Variants in ATP2B4 observed in about 807,000 individuals in gnomAD.
ATP2B4 encodes the protein ATPase plasma membrane Ca2+ transporting 4, also known as plasma membrane calcium-transporting ATPase 4.
Under a neutral mutation model 110.3 loss-of-function variants are expected in ATP2B4, and 39 were observed. The ratio of observed to expected loss-of-function variants is 0.35; its 90% CI spans 0.27 to 0.46. The LOEUF is 0.46. ATP2B4 is among the 20% of genes least tolerant of loss of function. The pLI is 1.00. For synonymous variants in ATP2B4, 538 were observed against 571.7 expected (o/e 0.94, Z 0.84); for missense variants, 1,135 against 1,530.9 (o/e 0.74, Z 4.32).
chr1:203,649,619 C>CAAACA (rs888624086), intron 1 of ATP2B4, among the ~76,000 whole-genome samples: 15 of 151,832 alleles, frequency 9.9e-5, no homozygotes, highest in African/African-American at 2.4e-4. Context: ...AAAACCAAAA[C>CAAACA]AAACAAAACA....
rs775983281 is a variant in ATP2B4, at chr1:203,707,840, T to C, written c.1315-22T>C. ...GAGTCCAGTTAGTCCCCCTCTCAAG[T>C]CTTTTCTCTTCTCCTTTGTAGAAAA... On this transcript the variant is annotated intron_variant, in intron 9 of 20. Coordinates refer to ENST00000357681, the MANE Select transcript of ATP2B4 (RefSeq NM_001684.5). 3 of 1,611,190 alleles carry C rather than the reference T, an allele frequency of 1.9e-6. No individual in the cohort carries two copies. In the South Asian group the frequency reaches 3.3e-5, roughly 18 times the overall value.
intron 1 of ATP2B4, among the ~76,000 whole-genome samples, chr1:203,674,144 C>T (rs1337093810): frequency 1.3e-5 from 2 of 152,154 alleles, no homozygotes; most frequent in East Asian, 1.9e-4. Context: ...GAGTGAGTAG[C>T]AGTTATCGTT....
intron 1 of ATP2B4, among the ~76,000 whole-genome samples, chr1:203,672,356 T>A (rs1664696939): frequency 3.4e-5 from 2 of 59,654 alleles, no homozygotes; most frequent in African/African-American, 6.0e-5. Context: ...TTTTTTTTTT[T>A]AAAGCTGATT....
intron 1 of ATP2B4, among the ~76,000 whole-genome samples, chr1:203,675,811 G>A (rs1022509931): frequency 6.6e-6 from 1 of 152,066 alleles, no homozygotes. Flanking sequence ...TCTCAAGTCT[G>A]TTTTCTCAAA....
intron 1 of ATP2B4, among the ~76,000 whole-genome samples, chr1:203,627,430 A>T (rs1410745893): frequency 6.6e-6 from 1 of 152,158 alleles, no homozygotes; most frequent in Admixed American, 6.5e-5. Flanking sequence ...ATAGTCGAAC[A>T]AGTGATTTAT....
intron 13 of ATP2B4, among the ~76,000 whole-genome samples, chr1:203,712,585 C>T (rs1353987705): frequency 2.0e-5 from 3 of 150,480 alleles, no homozygotes; most frequent in South Asian, 2.1e-4. Context: ...AGCAAGACTC[C>T]GTCTCAAAAA....
chr1:203,740,161 C>T lies in ATP2B4; in HGVS notation c.*307C>T, dbSNP rs1206978395. 1 of 311,644 alleles carries T rather than the reference C, an allele frequency of 3.2e-6. No individual in the cohort carries two copies. Among genetic ancestry groups the T allele is most frequent in the Non-Finnish European group, 5.9e-6 (1 of 168,290 alleles). The allele number at this position is 311,644 out of a possible 1,614,324, so 19.3% of individuals were successfully genotyped here. ...TGACAATCCTCTTGGCATCACCCCA[C>T]CCCACATTCTCCCCGATGTTCCTCT... is the stretch of plus-strand genomic sequence containing the variant. On this transcript the variant is annotated 3_prime_UTR_variant, in exon 21 of 21. Transcript: ENST00000357681.
chr1:203,667,516 AG>A (rs1664542857), intron 1 of ATP2B4, among the ~76,000 whole-genome samples: 1 of 152,280 alleles, frequency 6.6e-6, no homozygotes, highest in South Asian at 2.1e-4. Flanking sequence ...CTAGTGTTGG[AG>A]GTAGCTATCT....
chr1:203,701,836 G>A (rs189856040), intron 6 of ATP2B4, among the ~76,000 whole-genome samples: 102 of 152,284 alleles, frequency 6.7e-4, no homozygotes, highest in Non-Finnish European at 2.1e-4. Context: ...CTACATGAGC[G>A]TTTTGGTGGA....
Position 203,698,294 on chromosome 1 carries a change from A to T in ATP2B4, c.331A>T (p.Ile111Phe), listed in dbSNP as rs1193780118. 1.2e-6 allele frequency: 2 copies of T among 1,613,962 alleles called. No homozygotes were observed. The highest frequency in any genetic ancestry group is 2.7e-5 in the African/African-American group (2 of 74,886). The change falls in exon 3 of 21, where the codon ATT becomes TTT. Residue 111 changes from isoleucine (I) to phenylalanine (F), a missense_variant. Transcript: ENST00000357681. Reference sequence around the variant, plus strand: ...AGATGTCACGCTTATCATCCTGGAGATTGCAGCCATCATCTCCCTGGTCCT... The same window carrying T: ...AGATGTCACGCTTATCATCCTGGAGTTTGCAGCCATCATCTCCCTGGTCCT... ...LQDVTLIILE[I>F]AAIISLVLSF... is the part of the protein sequence containing the mutation.
At position 203,629,559 on chromosome 1, in the gene ATP2B4, C is replaced by G. The variant is rs1470277010; in HGVS notation, c.-465+2340C>G. ...GTAATCGGCTCCCGCAGTCTCAGCCCTTCCCCCGGGGCTCGGGGCAGGATT... is the reference window on the plus strand; with the variant it reads ...GTAATCGGCTCCCGCAGTCTCAGCCGTTCCCCCGGGGCTCGGGGCAGGATT... On this transcript the variant is annotated intron_variant, in intron 1 of 20. Coordinates refer to ENST00000357681, the MANE Select transcript of ATP2B4 (RefSeq NM_001684.5). This position sits in a 1 kb window ranked among gnomAD's most constrained non-coding sequence, Gnocchi z 4.6. Among the ~76,000 whole-genome samples, 1 of 152,130 alleles carries G rather than the reference C, an allele frequency of 6.6e-6. No homozygotes were observed.
At chr1:203,639,552 C>T (rs1663563885) in intron 1 of ATP2B4, among the ~76,000 whole-genome samples, 2 of 152,178 alleles carry the variant, frequency 1.3e-5, no homozygotes, top group South Asian at 4.1e-4. Flanking sequence ...AGACCCGACG[C>T]ACAACTGAGC....
chr1:203,722,121 G>C (rs1666355756), intron 17 of ATP2B4, among the ~76,000 whole-genome samples: 1 of 152,134 alleles, frequency 6.6e-6, no homozygotes, highest in African/African-American at 2.4e-5. Flanking sequence ...AACTGAGAGA[G>C]AAGGTAAAAT....
At chr1:203,728,818 T>C (rs974304562) in intron 20 of ATP2B4, among the ~76,000 whole-genome samples, 2 of 149,602 alleles carry the variant, frequency 1.3e-5, no homozygotes, top group Non-Finnish European at 3.0e-5. Context: ...GATTGCGCCA[T>C]TGCACTCCAG....
At chr1:203,674,118 C>T (rs1664756806) in intron 1 of ATP2B4, among the ~76,000 whole-genome samples, 1 of 152,220 alleles carries the variant, frequency 6.6e-6, no homozygotes, top group East Asian at 1.9e-4. Flanking sequence ...TAGAAGCTTC[C>T]TGCCGCAGCT....
chr1:203,718,182 C>T (rs7555287), intron 15 of ATP2B4, among the ~76,000 whole-genome samples: 2,424 of 152,124 alleles, frequency 0.016, 72 homozygotes, highest in African/African-American at 0.056. Flanking sequence ...TTTAGAATTA[C>T]ATATTTTTTA....
chr1:203,672,007 G>A (rs561708422), intron 1 of ATP2B4, among the ~76,000 whole-genome samples: 1 of 152,296 alleles, frequency 6.6e-6, no homozygotes, highest in Non-Finnish European at 1.5e-5. Flanking sequence ...CTTGATAGTG[G>A]CAGCTGGTGG....
chr1:203,637,992 T>G (rs932828251), intron 1 of ATP2B4, among the ~76,000 whole-genome samples: 1 of 152,144 alleles, frequency 6.6e-6, no homozygotes, highest in Non-Finnish European at 1.5e-5. Flanking sequence ...GCTAATAGGA[T>G]GGCTGGGGGC....
intron 2 of ATP2B4, among the ~76,000 whole-genome samples, chr1:203,686,248 T>C (rs958947242): frequency 6.6e-6 from 1 of 152,182 alleles, no homozygotes; most frequent in Non-Finnish European, 1.5e-5. Context: ...AACAGGATCT[T>C]TCTTTTTCCC....
Sources: gnomAD v4.1 joint callset for allele counts (sites outside exome capture counted in the v4.1 genomes callset) on GRCh38, gnomAD v4.1.1 for gene constraint, Gnocchi (gnomAD v3.1) non-coding constraint, MANE v1.5 for transcripts, NCBI Gene and HGNC (gene_info 2026-07-23, HGNC 2026-07-21) for gene names.